Variants in RAP1GDS1 observed in about 807,000 individuals in gnomAD.
RAP1GDS1 encodes Rap1 GTPase-GDP dissociation stimulator 1, also known as RAP1, GTP-GDP dissociation stimulator 1.
RAP1GDS1 carries 35 observed loss-of-function variants against 71.1 expected under a neutral mutation model. That is an observed-to-expected ratio of 0.49 (90% confidence interval 0.38 to 0.65). The LOEUF is 0.65. Among genes scored for constraint, RAP1GDS1 ranks in the 30% least tolerant of loss-of-function variants. The pLI is 0.00. For synonymous variants in RAP1GDS1, 229 were observed against 243.1 expected (o/e 0.94, Z 0.54); for missense variants, 663 against 706.1 (o/e 0.94, Z 0.69).
At chr4:98,317,825 TA>T (rs1319958745) in intron 2 of RAP1GDS1, among the ~76,000 whole-genome samples, 185 of 147,784 alleles carry the variant, frequency 1.3e-3, no homozygotes, top group African/African-American at 4.1e-3. Flanking sequence ...TATATATATA[TA>T]TTTTTTTTTC....
In RAP1GDS1 at chr4:98,420,013, C is replaced by T. The variant is rs2110190499; in HGVS notation, c.1175-6C>T. 2 of 1,585,152 alleles carry T rather than the reference C, an allele frequency of 1.3e-6. No homozygotes were observed. The highest frequency in any genetic ancestry group is 2.3e-5 in the East Asian group (1 of 44,038). On this transcript the variant is annotated splice_polypyrimidine_tract_variant and splice_region_variant and intron_variant, in intron 10 of 14. Coordinates refer to ENST00000408927, the MANE Select transcript of RAP1GDS1 (RefSeq NM_001100427.2). ...CATTTTAACCATAGTCTCTCTTTTT[C>T]TCCAGTTATAAATAAAGCAAAGATG...
At chr4:98,406,036 G>A (rs1746064052) in intron 7 of RAP1GDS1, among the ~76,000 whole-genome samples, 1 of 151,920 alleles carries the variant, frequency 6.6e-6, no homozygotes, top group Non-Finnish European at 1.5e-5. Context: ...TAACTTTTAA[G>A]GTGACTACTA....
In RAP1GDS1 at chr4:98,404,570, T is replaced by C. The variant is rs770609466; in HGVS notation, c.731T>C (p.Ile244Thr). 1 of 1,603,616 alleles carries C rather than the reference T, an allele frequency of 6.2e-7. No individual in the cohort carries two copies. The highest frequency in any genetic ancestry group is 1.1e-5 in the South Asian group (1 of 88,334). Residue 244 changes from isoleucine to threonine, a missense_variant, in exon 7 of 15, where the codon ATT becomes ACT. Coordinates refer to ENST00000408927, the MANE Select transcript of RAP1GDS1 (RefSeq NM_001100427.2). ...ATAGAACATGATAAGAGAGAAATGA[T>C]TTTTGAAGTTCTTGCTCCATTGGCA... Reference protein sequence around the residue: ...KQIEHDKREMIFEVLAPLAEN... With the variant: ...KQIEHDKREMTFEVLAPLAEN...
intron 7 of RAP1GDS1, among the ~76,000 whole-genome samples, chr4:98,411,206 C>T (rs1423381280): frequency 1.3e-5 from 2 of 152,242 alleles, no homozygotes; most frequent in Non-Finnish European, 1.5e-5. Flanking sequence ...GGGCTGTCTG[C>T]TTTGGCAGAA....
chr4:98,289,209 A>G (rs1364712553), intron 1 of RAP1GDS1, among the ~76,000 whole-genome samples: 1 of 152,184 alleles, frequency 6.6e-6, no homozygotes, highest in African/African-American at 2.4e-5. Flanking sequence ...ACATTAAAGA[A>G]TCTATATAAA....
At chr4:98,372,457 G>A (rs1308926387) in intron 4 of RAP1GDS1, among the ~76,000 whole-genome samples, 1 of 152,062 alleles carries the variant, frequency 6.6e-6, no homozygotes, top group Non-Finnish European at 1.5e-5. Flanking sequence ...ATGAGCCCTC[G>A]TGCCCAGCCC....
At chr4:98,390,596 T>G (rs1393753183) in intron 5 of RAP1GDS1, among the ~76,000 whole-genome samples, 2 of 152,096 alleles carry the variant, frequency 1.3e-5, no homozygotes, top group Admixed American at 6.6e-5. Flanking sequence ...GTTGACTATC[T>G]CCTCATACTT....
At chr4:98,421,116 G>A in intron 11 of RAP1GDS1, 139 bp from the exon 12 acceptor site, 1 of 920,588 alleles carries the variant, frequency 1.1e-6, no homozygotes, top group Non-Finnish European at 1.5e-6. Context: ...ATCACATAAG[G>A]AATATTTGCA....
intron 1 of RAP1GDS1, among the ~76,000 whole-genome samples, chr4:98,278,214 G>A (rs1316493866): frequency 6.6e-6 from 1 of 152,000 alleles, no homozygotes; most frequent in East Asian, 1.9e-4. Context: ...AATAAAAAAT[G>A]TACAATACCC....
At chr4:98,347,970 TTTA>T (rs1560879411) in intron 3 of RAP1GDS1, among the ~76,000 whole-genome samples, 3 of 152,254 alleles carry the variant, frequency 2.0e-5, no homozygotes, top group South Asian at 2.1e-4. Flanking sequence ...CATATTCTTT[TTTA>T]TTATTATTAT....
At chr4:98,297,112 A>G (rs1327666990) in intron 2 of RAP1GDS1, 1 of 161,878 alleles carries the variant, frequency 6.2e-6, no homozygotes, top group Non-Finnish European at 1.3e-5. Context: ...TTATAGAACA[A>G]CTCTGTGAGA....
chr4:98,365,575 A>G (rs1324487457), intron 4 of RAP1GDS1, among the ~76,000 whole-genome samples: 1 of 151,968 alleles, frequency 6.6e-6, no homozygotes, highest in Admixed American at 6.6e-5. Flanking sequence ...GTGAGTGGAG[A>G]TTGTGCCACT....
At chr4:98,426,578 T>A (rs1749642672) in intron 12 of RAP1GDS1, among the ~76,000 whole-genome samples, 1 of 152,122 alleles carries the variant, frequency 6.6e-6, no homozygotes, top group Admixed American at 6.5e-5. Flanking sequence ...TCACAGCTAC[T>A]ATGAACACCT....
Position 98,313,186 on chromosome 4 carries a change from C to T in RAP1GDS1, c.112+19671C>T, listed in dbSNP as rs1730511425. Among the ~76,000 whole-genome samples, 4 of 151,222 alleles carry T rather than the reference C, an allele frequency of 2.6e-5. 1 individual carries two copies. The South Asian group carries it at 8.4e-4, about 32-fold the overall frequency. On this transcript the variant is annotated intron_variant, in intron 2 of 14. Coordinates refer to ENST00000408927, the MANE Select transcript of RAP1GDS1 (RefSeq NM_001100427.2). ...GAGACCTAGGGAAGGGCTGATGCTGCAGTTCAACTCTGAAGACTGTCTGTT... is the reference window on the plus strand; with the variant it reads ...GAGACCTAGGGAAGGGCTGATGCTGTAGTTCAACTCTGAAGACTGTCTGTT...
At chr4:98,265,541 C>T (rs1453344) in intron 1 of RAP1GDS1, among the ~76,000 whole-genome samples, 22,348 of 151,908 alleles carry the variant, frequency 0.15, 2,452 homozygotes, top group African/African-American at 0.31. Context: ...TTTTAACTTT[C>T]GAGAGTACAA....
At chr4:98,274,121 A>G (rs950528712) in intron 1 of RAP1GDS1, among the ~76,000 whole-genome samples, 2 of 152,176 alleles carry the variant, frequency 1.3e-5, no homozygotes, top group Non-Finnish European at 2.9e-5. Flanking sequence ...TCACGTAAGC[A>G]CTGCTTTGCC....
At chr4:98,423,733 G>A (rs1033533163) in intron 12 of RAP1GDS1, among the ~76,000 whole-genome samples, 1 of 151,900 alleles carries the variant, frequency 6.6e-6, no homozygotes, top group Non-Finnish European at 1.5e-5. Context: ...TAGTAGAGAC[G>A]GGGTTTCTCC....
intron 1 of RAP1GDS1, among the ~76,000 whole-genome samples, chr4:98,277,526 GTTA>G (rs1317296720): frequency 1.3e-5 from 2 of 151,994 alleles, no homozygotes; most frequent in African/African-American, 4.8e-5. Context: ...CTTTGATTCT[GTTA>G]TTATATTATT....
intron 5 of RAP1GDS1, chr4:98,387,408 G>C (rs546389764): frequency 8.8e-6 from 4 of 455,430 alleles, no homozygotes; most frequent in African/African-American, 2.0e-5. Context: ...GGGGGAAAAG[G>C]TTCCTCAACT....
Sources: gnomAD v4.1 joint callset for allele counts (sites outside exome capture counted in the v4.1 genomes callset) on GRCh38, gnomAD v4.1.1 for gene constraint, MANE v1.5 for transcripts, NCBI Gene and HGNC (gene_info 2026-07-23, HGNC 2026-07-21) for gene names.